The following ERG variants were observed in gnomAD, a reference collection of about 807,000 sequenced individuals.
ERG encodes the protein ETS transcription factor ERG, also known as transcriptional regulator ERG.
Under a neutral mutation model 55.3 loss-of-function variants are expected in ERG, and 9 were observed. That is an observed-to-expected ratio of 0.16 (90% CI 0.10 to 0.28). The LOEUF is 0.28. Ranked by LOEUF, ERG falls within the 10% of genes least tolerant of loss-of-function variation. The pLI is 1.00. For missense variants in ERG, 434 were observed against 631.6 expected (o/e 0.69, Z 3.35); for synonymous variants, 223 against 237.3 (o/e 0.94, Z 0.55).
At chr21:38,452,003 C>A (rs192989961) in intron 1 of ERG, among the ~76,000 whole-genome samples, 2 of 152,314 alleles carry the variant, frequency 1.3e-5, no homozygotes, top group South Asian at 2.1e-4. Flanking sequence ...ATATTAAATG[C>A]AGCATCTAGC....
chr21:38,592,376 T>C (rs1374040019), intron 1 of ERG, among the ~76,000 whole-genome samples: 1 of 152,056 alleles, frequency 6.6e-6, no homozygotes, highest in Non-Finnish European at 1.5e-5. Context: ...AGAGGAAAGC[T>C]GTGAAGCCAG....
intron 1 of ERG, among the ~76,000 whole-genome samples, chr21:38,639,905 G>A (rs980120804): frequency 6.6e-6 from 1 of 152,134 alleles, no homozygotes; most frequent in Non-Finnish European, 1.5e-5. Flanking sequence ...GAATCCTAGG[G>A]TGCCAGAGGG....
At chr21:38,558,256 A>G (rs2059870279) in intron 2 of ERG, among the ~76,000 whole-genome samples, 1 of 152,228 alleles carries the variant, frequency 6.6e-6, no homozygotes, top group Admixed American at 6.5e-5. Flanking sequence ...AAAGGGGACC[A>G]ACCACACCTT....
At chr21:38,377,841 C>G (rs1226540543), downstream of ERG, among the ~76,000 whole-genome samples, 2 of 152,140 alleles carry the variant, frequency 1.3e-5, no homozygotes, top group Non-Finnish European at 2.9e-5. Flanking sequence ...ATGTCTAATG[C>G]TGAGCAGGCT....
chr21:38,546,639 T>C (rs767906781), intron 2 of ERG, among the ~76,000 whole-genome samples: 2 of 152,108 alleles, frequency 1.3e-5, no homozygotes, highest in South Asian at 2.1e-4. Flanking sequence ...GATGTCTATA[T>C]CAAAAGAAGA....
chr21:38,552,827 C>T (rs535749292), intron 2 of ERG, among the ~76,000 whole-genome samples: 43 of 141,924 alleles, frequency 3.0e-4, no homozygotes, highest in African/African-American at 9.8e-4. Flanking sequence ...GAAGTCCTAG[C>T]CAGAGCAATC....
chr21:38,587,311 G>C (rs1053464483), upstream of ERG, among the ~76,000 whole-genome samples: 2 of 152,048 alleles, frequency 1.3e-5, no homozygotes. Flanking sequence ...TCAAGGGGAT[G>C]GGGGAGGGGG....
chr21:38,649,840 T>C (rs1330492946), intron 1 of ERG, among the ~76,000 whole-genome samples: 1 of 152,214 alleles, frequency 6.6e-6, no homozygotes, highest in Non-Finnish European at 1.5e-5. Context: ...AGATAAAGTC[T>C]TGCTTCTCCA....
intron 3 of ERG, among the ~76,000 whole-genome samples, chr21:38,413,586 T>C (rs1989153356): frequency 6.6e-6 from 1 of 152,186 alleles, no homozygotes; most frequent in African/African-American, 2.4e-5. Flanking sequence ...TATTTAAAAA[T>C]ACATGACTAA....
At chr21:38,476,230 A>G (rs79386902) in intron 1 of ERG, among the ~76,000 whole-genome samples, 1 of 152,018 alleles carries the variant, frequency 6.6e-6, no homozygotes, top group Non-Finnish European at 1.5e-5. Context: ...AAAAAAAAAA[A>G]TCTTCAAAAG....
At chr21:38,557,054 C>T (rs1472109114) in intron 2 of ERG, among the ~76,000 whole-genome samples, 1 of 152,158 alleles carries the variant, frequency 6.6e-6, no homozygotes, top group Non-Finnish European at 1.5e-5. Context: ...GCCACCTCCA[C>T]CGTGTTTTGT....
chr21:38,504,684 G>A (rs2059447240), intron 2 of ERG, among the ~76,000 whole-genome samples: 1 of 152,140 alleles, frequency 6.6e-6, no homozygotes, highest in Admixed American at 6.5e-5. Flanking sequence ...ATTCACAAAA[G>A]CATCTGACTG....
chr21:38,585,529 C>CTTTTTTTTTTTTTTTTT (rs1568931635), upstream of ERG, among the ~76,000 whole-genome samples: 1 of 22,682 alleles, frequency 4.4e-5, no homozygotes, highest in Non-Finnish European at 1.1e-4. Flanking sequence ...CCCTCTCTCT[C>CTTTTTTTTTTTTTTTTT]TTCTTTTTTT....
chr21:38,625,332 C>T (rs368152217), intron 1 of ERG, among the ~76,000 whole-genome samples: 271 of 152,112 alleles, frequency 1.8e-3, no homozygotes, highest in African/African-American at 5.9e-3. Flanking sequence ...GTTATTTGGT[C>T]TACTTGCACC....
At chr21:38,573,743 C>T (rs2059977509) in intron 2 of ERG, among the ~76,000 whole-genome samples, 1 of 152,186 alleles carries the variant, frequency 6.6e-6, no homozygotes, top group South Asian at 2.1e-4. Context: ...CGGTGCAGGT[C>T]CTTGGTATGC....
chr21:38,649,288 A>G (rs983712303), intron 1 of ERG, among the ~76,000 whole-genome samples: 4 of 152,124 alleles, frequency 2.6e-5, no homozygotes, highest in Non-Finnish European at 4.4e-5. Flanking sequence ...TGAGAGCCAC[A>G]CCCATGAGCT....
intron 1 of ERG, among the ~76,000 whole-genome samples, chr21:38,581,424 C>T (rs1025392598): frequency 6.6e-6 from 1 of 152,190 alleles, no homozygotes; most frequent in Non-Finnish European, 1.5e-5. Context: ...TGGCATGGAG[C>T]TCCTAAAACT....
chr21:38,487,543 G>C (rs1344799949), intron 1 of ERG, among the ~76,000 whole-genome samples: 1 of 152,214 alleles, frequency 6.6e-6, no homozygotes, highest in East Asian at 1.9e-4. Context: ...AGGCATCCAT[G>C]ACAAATCTGT....
At chr21:38,402,531 G>A (rs1216836197) in intron 5 of ERG, 26 bp downstream of exon 5, 2 of 1,586,492 alleles carry the variant, frequency 1.3e-6, no homozygotes, top group Non-Finnish European at 1.7e-6. Context: ...GCTCTTGCTG[G>A]GAGGCAGGGG....
Sources: gnomAD v4.1 joint callset for allele counts (sites outside exome capture counted in the v4.1 genomes callset) on GRCh38, gnomAD v4.1.1 for gene constraint, MANE v1.5 for transcripts, NCBI Gene and HGNC (gene_info 2026-07-23, HGNC 2026-07-21) for gene names.